The following ASAP1 variants were observed in gnomAD, a reference collection of about 807,000 sequenced individuals.
ASAP1 encodes the protein arf-GAP with SH3 domain, ANK repeat and PH domain-containing protein 1.
In ASAP1, 43 loss-of-function variants were observed where a neutral mutation model predicts 145.2. That is an observed-to-expected ratio of 0.30 (90% CI 0.23 to 0.38). The LOEUF is 0.38. Among genes scored for constraint, ASAP1 ranks in the 10% least tolerant of loss-of-function variants. The pLI is 1.00. For synonymous variants in ASAP1, 546 were observed against 515.5 expected, an observed-to-expected ratio of 1.06 and a Z score of -0.80; for missense variants, 1,018 against 1,355.3, an observed-to-expected ratio of 0.75 and a Z score of 3.91.
chr8:130,210,308 A>C (rs950470359), intron 5 of ASAP1, among the ~76,000 whole-genome samples: 1 of 152,188 alleles, frequency 6.6e-6, no homozygotes, highest in Non-Finnish European at 1.5e-5. Context: ...GAAAATAGTT[A>C]TTTTTCCATA....
chr8:130,388,274 A>G (rs1011251939), intron 2 of ASAP1, among the ~76,000 whole-genome samples: 15 of 152,204 alleles, frequency 9.9e-5, no homozygotes, highest in Admixed American at 6.5e-4. Context: ...GGCAGGGGCT[A>G]GATCATGCTA....
At chr8:130,355,961 TCATCAATGTACTCTAACATGACA>T (rs781480573) in intron 3 of ASAP1, among the ~76,000 whole-genome samples, 9 of 152,224 alleles carry the variant, frequency 5.9e-5, no homozygotes, top group Admixed American at 3.3e-4. Flanking sequence ...AACATGGGTA[TCATCAATGTACTCTAACATGACA>T]CTGAACTTCT....
At chr8:130,424,971 T>A (rs936757153) in intron 1 of ASAP1, among the ~76,000 whole-genome samples, 3 of 149,276 alleles carry the variant, frequency 2.0e-5, no homozygotes, top group Non-Finnish European at 4.5e-5. Flanking sequence ...CCAGCCTGGG[T>A]GACAGAGCGA....
intron 13 of ASAP1, among the ~76,000 whole-genome samples, chr8:130,150,721 A>C (rs1157969139): frequency 6.6e-6 from 1 of 152,136 alleles, no homozygotes; most frequent in African/African-American, 2.4e-5. Context: ...TCTACAAAAA[A>C]ATACCAAAAT....
chr8:130,147,220 A>C (rs1464718916), intron 13 of ASAP1, among the ~76,000 whole-genome samples: 1 of 151,750 alleles, frequency 6.6e-6, no homozygotes, highest in Non-Finnish European at 1.5e-5. Context: ...AAAAAAAAAA[A>C]AAAAAAAGAA....
At chr8:130,116,589 G>T in intron 22 of ASAP1, 89 bp downstream of exon 22, 2 of 1,161,320 alleles carry the variant, frequency 1.7e-6, no homozygotes, top group Non-Finnish European at 2.5e-6. Flanking sequence ...AAATGAATCT[G>T]CATTTTTAAT....
At chr8:130,102,013 T>C (rs937788950) in intron 24 of ASAP1, among the ~76,000 whole-genome samples, 1 of 152,148 alleles carries the variant, frequency 6.6e-6, no homozygotes, top group Non-Finnish European at 1.5e-5. Flanking sequence ...TTTAGGTTTT[T>C]CTATATAGAA....
At chr8:130,266,721 C>T (rs1358047110) in intron 3 of ASAP1, among the ~76,000 whole-genome samples, 2 of 151,832 alleles carry the variant, frequency 1.3e-5, no homozygotes, top group Admixed American at 6.6e-5. Context: ...ATACATGACA[C>T]AATTTGTAAA....
At chr8:130,185,707 C>T (rs1478128018) in intron 7 of ASAP1, among the ~76,000 whole-genome samples, 1 of 93,012 alleles carries the variant, frequency 1.1e-5, no homozygotes, top group African/African-American at 4.5e-5. Flanking sequence ...CTAGCCTGGG[C>T]AACAAGAGTG....
intron 1 of ASAP1, among the ~76,000 whole-genome samples, chr8:130,440,760 T>C (rs1220488544): frequency 1.3e-5 from 2 of 152,190 alleles, no homozygotes; most frequent in Non-Finnish European, 2.9e-5. Flanking sequence ...TTCCCATCCC[T>C]CTGCCTGGAA....
intron 12 of ASAP1, among the ~76,000 whole-genome samples, chr8:130,153,176 C>A (rs947603153): frequency 6.6e-6 from 1 of 150,992 alleles, no homozygotes; most frequent in African/African-American, 2.4e-5. Context: ...CCTGCCACTG[C>A]GCCCGGCTAA....
In ASAP1 at chr8:130,096,399, G is replaced by C. The variant is rs1163988755; in HGVS notation, c.2402-4256C>G. 2.0e-5 allele frequency among the ~76,000 whole-genome samples: 3 copies of C among 152,214 alleles called. No homozygotes were observed. In the East Asian group the frequency reaches 5.8e-4, roughly 29 times the overall value. On this transcript the variant is annotated intron_variant, in intron 24 of 29. Coordinates refer to ENST00000518721, the MANE Select transcript of ASAP1 (RefSeq NM_018482.4). ...AACACAAAAAAGGGTGGGGAGGCAA[G>C]ATTAGTGAGTGGTGACAGAGATGCA... is the stretch of plus-strand genomic sequence containing the variant.
chr8:130,145,928 GC>G (rs1586435954), intron 13 of ASAP1, among the ~76,000 whole-genome samples: 1 of 144,602 alleles, frequency 6.9e-6, no homozygotes, highest in East Asian at 2.0e-4. Context: ...TGCAACCTCT[GC>G]CACATGGGCT....
chr8:130,400,693 A>G (rs978528722), intron 2 of ASAP1, among the ~76,000 whole-genome samples: 1 of 150,168 alleles, frequency 6.7e-6, no homozygotes. Context: ...TGGGAGGCTG[A>G]GGCAGGAGAA....
chr8:130,187,249 A>C lies in ASAP1; in HGVS notation c.517T>G (p.Tyr173Asp). The C allele has an allele frequency of 1.2e-6, 2 of 1,609,532 alleles. No homozygotes were observed. Among genetic ancestry groups the C allele is most frequent in the Non-Finnish European group, 1.7e-6 (2 of 1,178,888 alleles). ...KKPFDKAWKD[Y>D]ETKFTKIEKE... ...AAAACCACTTACAACTTTGTCTCAT[A>C]ATCTTTCCAGGCTTTGTCAAATGGC... Residue 173 changes from tyrosine to aspartate, a missense_variant, in exon 7 of 30, where the codon TAT becomes GAT. Coordinates refer to ENST00000518721, the MANE Select transcript of ASAP1 (RefSeq NM_018482.4).
chr8:130,152,805 C>G lies in ASAP1; in HGVS notation c.1011G>C (p.Gly337=). Residue 337 remains glycine (G), a splice_region_variant and synonymous_variant, in exon 13 of 30, where the codon GGG becomes GGC. Transcript: ENST00000518721. ...TCCTCCTCTGCCATACTTTCCGGAT[C>G]CTAAGGAGGAAGTCAAACACAACTA... ...KKGYLLKKSD[G]IRKVWQRRKC... is the part of the protein sequence containing the mutation. 1.2e-6 allele frequency: 2 copies of G among 1,607,226 alleles called. No individual in the cohort carries two copies. Among genetic ancestry groups the G allele is most frequent in the African/African-American group, 2.7e-5 (2 of 74,844 alleles).
intron 2 of ASAP1, among the ~76,000 whole-genome samples, chr8:130,376,642 C>T (rs1827508764): frequency 6.6e-6 from 1 of 152,042 alleles, no homozygotes. Context: ...AAGAGAATCG[C>T]TTGAACCAGG....
At position 130,054,658 on chromosome 8, in the gene ASAP1, ACT is replaced by A; in HGVS notation, c.*71_*72del. On this transcript the variant is annotated 3_prime_UTR_variant, in exon 30 of 30. Transcript: ENST00000518721. ...ACTCTGTAACAGCAGCTATATACACACTGTGCCCAGGGTTACATGAAGGCAGC... is the reference window on the plus strand; with the variant it reads ...ACTCTGTAACAGCAGCTATATACACAGTGCCCAGGGTTACATGAAGGCAGC... 7.5e-7 allele frequency: 1 copy of A among 1,333,446 alleles called. No homozygotes were observed. Among genetic ancestry groups the A allele is most frequent in the South Asian group, 1.2e-5 (1 of 85,102 alleles). 82.6% of individuals were successfully genotyped at this position (1,333,446 alleles called of 1,614,324 possible). A position where few individuals can be genotyped will look rare whatever the true frequency, so the allele number is the denominator to read the frequency against.
At chr8:130,359,255 A>G (rs907641958) in intron 2 of ASAP1, among the ~76,000 whole-genome samples, 1 of 152,186 alleles carries the variant, frequency 6.6e-6, no homozygotes, top group Non-Finnish European at 1.5e-5. Flanking sequence ...CAGGGAATGT[A>G]AAAGGCATTG....
Sources: gnomAD v4.1 joint callset for allele counts (sites outside exome capture counted in the v4.1 genomes callset) on GRCh38, gnomAD v4.1.1 for gene constraint, MANE v1.5 for transcripts, NCBI Gene and HGNC (gene_info 2026-07-23, HGNC 2026-07-21) for gene names.